Variants in LRRC37A2 observed in about 807,000 individuals in gnomAD.
LRRC37A2 encodes the protein leucine-rich repeat-containing protein 37A2.
In LRRC37A2, 9 loss-of-function variants were observed where a neutral mutation model predicts 68.8. That is an observed-to-expected ratio of 0.13 (90% confidence interval 0.08 to 0.23). The LOEUF (loss-of-function observed/expected upper bound fraction) is 0.23, where lower values mean the gene tolerates loss of function less well. LRRC37A2 is among the 10% of genes least tolerant of loss of function. The probability of loss-of-function intolerance (pLI) is 1.00; values close to 1 mark genes in which losing one functional copy is unlikely to be tolerated. For synonymous variants in LRRC37A2, 63 were observed against 367.6 expected, an observed-to-expected ratio of 0.17 and a Z score of 9.48; for missense variants, 168 against 950.4, an observed-to-expected ratio of 0.18 and a Z score of 10.82.
At chr17:46,928,763 A>G in the LRRC37A2 span, among the ~76,000 whole-genome samples, 2 of 152,162 alleles carry the variant, frequency 1.3e-5, no homozygotes, top group Non-Finnish European at 2.9e-5. Flanking sequence ...CCTTTCAAGC[A>G]GCCCACCCTA....
chr17:46,501,986 G>A, the LRRC37A2 span, among the ~76,000 whole-genome samples: 2 of 151,384 alleles, frequency 1.3e-5, no homozygotes, highest in Non-Finnish European at 2.9e-5. Flanking sequence ...ACTTTTGGAC[G>A]ATGATGTGTT....
the LRRC37A2 span, among the ~76,000 whole-genome samples, chr17:46,877,730 A>C: frequency 6.6e-6 from 1 of 152,268 alleles, no homozygotes; most frequent in Non-Finnish European, 1.5e-5. Context: ...ATACCAGCTG[A>C]GTTCACAATA....
the LRRC37A2 span, among the ~76,000 whole-genome samples, chr17:46,927,234 CT>C: frequency 2.0e-5 from 3 of 151,990 alleles, no homozygotes; most frequent in African/African-American, 7.3e-5. Flanking sequence ...CCTTGTTTGA[CT>C]TTTTGTATTG....
At chr17:46,975,390 T>A in the LRRC37A2 span, 1 of 152,330 alleles carries the variant, frequency 6.6e-6, no homozygotes, top group Non-Finnish European at 1.5e-5. Flanking sequence ...TGGGGCTTTC[T>A]AGAACCATCC....
chr17:46,870,560 G>T, the LRRC37A2 span, among the ~76,000 whole-genome samples: 2 of 152,242 alleles, frequency 1.3e-5, no homozygotes, highest in Non-Finnish European at 2.9e-5. Flanking sequence ...TCTCTGCTCG[G>T]AGGTTTCGGA....
chr17:46,892,477 G>A, the LRRC37A2 span, among the ~76,000 whole-genome samples: 2 of 152,136 alleles, frequency 1.3e-5, no homozygotes, highest in Non-Finnish European at 2.9e-5. Context: ...ACTCACTCCT[G>A]CTCAGCCTTA....
chr17:46,490,998 G>C, the LRRC37A2 span, among the ~76,000 whole-genome samples: 2 of 150,440 alleles, frequency 1.3e-5, no homozygotes, highest in African/African-American at 5.0e-5. Flanking sequence ...GGGTTCAAGC[G>C]ATTCTCCTGC....
At chr17:46,807,586 T>G in the LRRC37A2 span, among the ~76,000 whole-genome samples, 1 of 152,242 alleles carries the variant, frequency 6.6e-6, no homozygotes, top group Non-Finnish European at 1.5e-5. Context: ...GCAATGTTTA[T>G]TTTGCTTTTT....
chr17:46,747,275 A>G, the LRRC37A2 span, among the ~76,000 whole-genome samples: 4 of 152,198 alleles, frequency 2.6e-5, no homozygotes, highest in Admixed American at 2.6e-4. Flanking sequence ...TTTGCAATCT[A>G]TAATATTCAC....
chr17:46,820,272 C>T, the LRRC37A2 span, among the ~76,000 whole-genome samples: 2 of 152,120 alleles, frequency 1.3e-5, no homozygotes, highest in Non-Finnish European at 2.9e-5. Context: ...GCCGCCTGGG[C>T]TTGTCATGGC....
At chr17:47,021,739 G>A in the LRRC37A2 span, 4 of 791,320 alleles carry the variant, frequency 5.1e-6, no homozygotes, top group Non-Finnish European at 8.4e-6. Context: ...TGAGAAAGCA[G>A]GTGTTATTTT....
At chr17:46,877,171 C>A in the LRRC37A2 span, 1 of 809,472 alleles carries the variant, frequency 1.2e-6, no homozygotes, top group Non-Finnish European at 1.5e-6. Flanking sequence ...GGGAGCCTGG[C>A]TGAGATGGGT....
At chr17:46,872,667 G>T in the LRRC37A2 span, 1 of 1,613,622 alleles carries the variant, frequency 6.2e-7, no homozygotes, top group East Asian at 2.2e-5. Context: ...GCCTGGCTGA[G>T]ACCCTGAGGG....
the LRRC37A2 span, among the ~76,000 whole-genome samples, chr17:46,751,049 A>C: frequency 1.3e-5 from 2 of 152,170 alleles, no homozygotes; most frequent in Non-Finnish European, 2.9e-5. Context: ...GGAGTCAGTA[A>C]AGCTTCTTAA....
At chr17:46,825,910 C>G in the LRRC37A2 span, among the ~76,000 whole-genome samples, 1 of 152,246 alleles carries the variant, frequency 6.6e-6, no homozygotes, top group African/African-American at 2.4e-5. Flanking sequence ...GTAATCCCAG[C>G]TACTTGGGAG....
the LRRC37A2 span, among the ~76,000 whole-genome samples, chr17:46,668,811 TAAAA>T: frequency 7.2e-6 from 1 of 138,678 alleles, no homozygotes; most frequent in Non-Finnish European, 1.5e-5. Flanking sequence ...ACCCTGTCTC[TAAAA>T]AAGTACTTGA....
the LRRC37A2 span, among the ~76,000 whole-genome samples, chr17:46,880,115 A>G: frequency 6.6e-6 from 1 of 152,200 alleles, no homozygotes; most frequent in African/African-American, 2.4e-5. Flanking sequence ...AGGCAGCTAG[A>G]GTGAGGGAGT....
chr17:46,943,752 T>C, the LRRC37A2 span, among the ~76,000 whole-genome samples: 3 of 152,164 alleles, frequency 2.0e-5, no homozygotes, highest in African/African-American at 7.2e-5. Context: ...AGCCATGTGC[T>C]CACAGGGCCT....
chr17:47,014,933 G>A, the LRRC37A2 span, among the ~76,000 whole-genome samples: 1 of 151,414 alleles, frequency 6.6e-6, no homozygotes, highest in Non-Finnish European at 1.5e-5. Flanking sequence ...TGGGTCAACA[G>A]TAGACCACAT....
Sources: allele counts gnomAD v4.1 joint callset (sites outside exome capture counted in the v4.1 genomes callset), GRCh38; gene constraint gnomAD v4.1.1; transcripts MANE v1.5; gene names NCBI Gene and HGNC (gene_info 2026-07-23, HGNC 2026-07-21).